PCDHA1: variants seen among roughly 807,000 people sequenced by gnomAD.
PCDHA1 encodes the protein protocadherin alpha-1.
In PCDHA1, 42 loss-of-function variants were observed where a neutral mutation model predicts 61.3. The observed-to-expected ratio is 0.69, with a 90% CI of 0.54 to 0.89. The LOEUF (loss-of-function observed/expected upper bound fraction) is 0.89. Ranked by LOEUF, PCDHA1 falls within the 40% of genes least tolerant of loss-of-function variation. PCDHA1 has a pLI of 0.00. For missense variants in PCDHA1, 1,256 were observed against 1,235.3 expected (o/e 1.02, Z -0.25); for synonymous variants, 610 against 553.8 (o/e 1.10, Z -1.43).
At chr5:140,926,441 A>T (rs1476576189) in intron 1 of PCDHA1, 1 of 154,800 alleles carries the variant, frequency 6.5e-6, no homozygotes, top group Non-Finnish European at 1.4e-5. Context: ...AGATCTGGGC[A>T]GCCTCAGGGC....
chr5:140,956,921 G>T (rs2095321008), intron 1 of PCDHA1, among the ~76,000 whole-genome samples: 1 of 151,968 alleles, frequency 6.6e-6, no homozygotes, highest in Admixed American at 6.6e-5. Context: ...CTTTAATCTT[G>T]CTGGATATAG....
chr5:140,993,596 A>G (rs562427268), intron 3 of PCDHA1, among the ~76,000 whole-genome samples: 53 of 152,194 alleles, frequency 3.5e-4, no homozygotes, highest in Admixed American at 2.6e-4. Flanking sequence ...CTTGGCTCCA[A>G]TAGAGAATTT....
At chr5:140,834,834 C>T in intron 1 of PCDHA1, 1 of 1,611,930 alleles carries the variant, frequency 6.2e-7, no homozygotes, top group Non-Finnish European at 8.5e-7. Context: ...GCTTGACTCT[C>T]GGTTTCCACT....
At chr5:140,828,010 G>T in intron 1 of PCDHA1, 1 of 1,506,712 alleles carries the variant, frequency 6.6e-7, no homozygotes, top group South Asian at 1.3e-5. Context: ...CAGAAGAAAT[G>T]GATTAATAAA....
At chr5:140,891,400 G>A (rs1220760247) in intron 1 of PCDHA1, among the ~76,000 whole-genome samples, 1 of 150,966 alleles carries the variant, frequency 6.6e-6, no homozygotes, top group Non-Finnish European at 1.5e-5. Flanking sequence ...TTTATCCCTC[G>A]CCACCCCCCA....
chr5:140,843,146 T>C (rs2150353849), intron 1 of PCDHA1: 3 of 1,596,012 alleles, frequency 1.9e-6, no homozygotes, highest in Admixed American at 3.4e-5. Context: ...GTGGCTTTCG[T>C]ATGAGCTGCA....
chr5:140,799,905 C>T (rs1554121044), intron 1 of PCDHA1, among the ~76,000 whole-genome samples: 1 of 152,032 alleles, frequency 6.6e-6, no homozygotes, highest in Admixed American at 6.5e-5. Flanking sequence ...CTTCCAAATG[C>T]GGCGAGAATT....
intron 1 of PCDHA1, chr5:140,881,315 A>G: frequency 1.0e-6 from 1 of 981,768 alleles, no homozygotes; most frequent in Non-Finnish European, 1.2e-6. Flanking sequence ...TCCTGGTTAA[A>G]TTCTATTTAA....
intron 1 of PCDHA1, among the ~76,000 whole-genome samples, chr5:140,894,449 A>G (rs1227566097): frequency 6.6e-6 from 1 of 151,950 alleles, no homozygotes; most frequent in Non-Finnish European, 1.5e-5. Flanking sequence ...TCTTTTTTAA[A>G]AAATATTTTA....
chr5:140,908,307 C>T (rs782169692), intron 1 of PCDHA1, among the ~76,000 whole-genome samples: 43 of 152,180 alleles, frequency 2.8e-4, no homozygotes, highest in Non-Finnish European at 1.3e-4. Context: ...GAAGGAAGGG[C>T]GGCAGGAGTG....
intron 1 of PCDHA1, among the ~76,000 whole-genome samples, chr5:140,970,875 AT>A (rs1213440334): frequency 6.6e-6 from 1 of 152,100 alleles, no homozygotes; most frequent in African/African-American, 2.4e-5. Flanking sequence ...TTGAGAGTAG[AT>A]TTTTCTCATG....
At chr5:140,943,789 T>C (rs2093567416) in intron 1 of PCDHA1, among the ~76,000 whole-genome samples, 1 of 152,228 alleles carries the variant, frequency 6.6e-6, no homozygotes, top group African/African-American at 2.4e-5. Flanking sequence ...TGGTCCTTTA[T>C]GCAAAGCAAA....
chr5:140,966,620 G>A lies in PCDHA1; in HGVS notation c.2395-12329G>A, dbSNP rs2096027901. 8 of 837,888 alleles carry A rather than the reference G, an allele frequency of 9.5e-6. No homozygotes were observed. The East Asian group carries it at 2.6e-4, about 27-fold the overall frequency. 51.9% of individuals were successfully genotyped at this position (837,888 alleles called of 1,614,324 possible). A position where few individuals can be genotyped will look rare whatever the true frequency, so the allele number is the denominator to read the frequency against. On this transcript the variant is annotated intron_variant, in intron 1 of 3. Transcript: ENST00000504120. ...GAGCCCTTGGGAGGGCCTACGGAGG[G>A]AGCGGCCCCAGGCGCTTTCTAGAGC...
intron 1 of PCDHA1, chr5:140,809,198 GA>G: frequency 6.2e-7 from 1 of 1,614,074 alleles, no homozygotes; most frequent in Non-Finnish European, 8.5e-7. Flanking sequence ...GTCACTTGTG[GA>G]GAGTGGACAG....
intron 1 of PCDHA1, among the ~76,000 whole-genome samples, chr5:140,819,361 T>C (rs2150103983): frequency 9.2e-5 from 14 of 152,180 alleles, no homozygotes; most frequent in Non-Finnish European, 1.8e-4. Context: ...GATTAAATTT[T>C]CTTGTGTTAG....
chr5:140,920,129 A>T lies in PCDHA1; in HGVS notation c.2395-58820A>T, dbSNP rs369489887. Among the ~76,000 whole-genome samples, 8 of 152,262 alleles carry T rather than the reference A, an allele frequency of 5.3e-5. No homozygotes were observed. The South Asian group carries it at 1.7e-3, about 32-fold the overall frequency. ...CAACCTTGCCAACATCTTGAGTTTT[A>T]ATTCTCCTCTCCAAACCTGGGAGAA... On this transcript the variant is annotated intron_variant, in intron 1 of 3. Transcript: ENST00000504120.
At chr5:140,991,447 C>T (rs1554252191) in intron 3 of PCDHA1, among the ~76,000 whole-genome samples, 1 of 152,162 alleles carries the variant, frequency 6.6e-6, no homozygotes, top group African/African-American at 2.4e-5. Context: ...TGGCTTAAAA[C>T]AACACAATGT....
intron 1 of PCDHA1, chr5:140,858,309 A>G (rs1276572732): frequency 7.5e-6 from 12 of 1,597,070 alleles, no homozygotes; most frequent in African/African-American, 1.3e-5. Context: ...CAGAGGCGGC[A>G]GAGGGTGTGT....
At chr5:140,891,136 G>A (rs541876133) in intron 1 of PCDHA1, among the ~76,000 whole-genome samples, 1 of 152,068 alleles carries the variant, frequency 6.6e-6, no homozygotes, top group Non-Finnish European at 1.5e-5. Context: ...TTCCTTTAAA[G>A]GTATTCTGTT....
Sources: gnomAD v4.1 joint callset for allele counts (sites outside exome capture counted in the v4.1 genomes callset) on GRCh38, gnomAD v4.1.1 for gene constraint, MANE v1.5 for transcripts, NCBI Gene and HGNC (gene_info 2026-07-23, HGNC 2026-07-21) for gene names.